CDKL3: variants seen among roughly 807,000 people sequenced by gnomAD.
CDKL3 encodes the protein cyclin-dependent kinase-like 3.
Under a neutral mutation model 69.3 loss-of-function variants are expected in CDKL3, and 65 were observed. The observed-to-expected ratio is 0.94, with a 90% CI of 0.77 to 1.15. The LOEUF (loss-of-function observed/expected upper bound fraction) is 1.15. Ranked by LOEUF, CDKL3 falls within the 50% of genes most tolerant of loss-of-function variation. The probability of loss-of-function intolerance (pLI) is 0.00; values close to 1 mark genes in which losing one functional copy is unlikely to be tolerated. For synonymous variants in CDKL3, 202 were observed against 221.6 expected, an observed-to-expected ratio of 0.91 and a Z score of 0.79; for missense variants, 652 against 689.2, an observed-to-expected ratio of 0.95 and a Z score of 0.61.
chr5:134,367,177 C>T, upstream of CDKL3: 1 of 985,634 alleles, frequency 1.0e-6, no homozygotes, highest in Non-Finnish European at 1.2e-6. Context: ...GTTCTAGACT[C>T]GTGCGCAAGA....
chr5:134,306,750 C>CTTTT (rs11414446), intron 9 of CDKL3, 48 bp from the exon 10 acceptor site: 2,649 of 226,632 alleles, frequency 0.012, 42 homozygotes, highest in South Asian at 0.02. Flanking sequence ...CCCAGAAATG[C>CTTTT]TTTTTTTTTT....
intron 2 of CDKL3, among the ~76,000 whole-genome samples, chr5:134,362,455 G>A (rs559032694): frequency 2.6e-4 from 39 of 152,268 alleles, no homozygotes; most frequent in Non-Finnish European, 4.6e-4. Flanking sequence ...GGAGGCCGAG[G>A]TTGTGGTGAG....
chr5:134,302,117 T>C (rs1469536381), intron 12 of CDKL3: 1 of 456,114 alleles, frequency 2.2e-6, no homozygotes, highest in East Asian at 6.9e-5. Flanking sequence ...GGGTAGGGAC[T>C]GGGAATATTT....
downstream of CDKL3, among the ~76,000 whole-genome samples, chr5:134,284,174 C>A (rs1195387191): frequency 6.6e-6 from 1 of 152,122 alleles, no homozygotes; most frequent in African/African-American, 2.4e-5. Flanking sequence ...GAACCAGCCC[C>A]CAATATTTCA....
chr5:134,304,010 T>A (rs1487752629), intron 11 of CDKL3, among the ~76,000 whole-genome samples: 1 of 151,924 alleles, frequency 6.6e-6, no homozygotes, highest in Non-Finnish European at 1.5e-5. Flanking sequence ...CATGGCTCAC[T>A]GCAGTCTCAA....
rs768830233 is a variant in CDKL3, at chr5:134,302,573, T to C, written c.1719+17A>G. 1.9e-5 allele frequency: 25 copies of C among 1,307,952 alleles called. No individual in the cohort carries two copies. Among genetic ancestry groups the C allele is most frequent in the Non-Finnish European group, 2.4e-5 (22 of 913,074 alleles). The allele number at this position is 1,307,952 out of a possible 1,614,324, so 81.0% of individuals were successfully genotyped here. ...AAACAACATGCCTTAGTAAAAGCTATATACAAAAAGAGTTACCTCTTGTTT... is the reference window on the plus strand; with the variant it reads ...AAACAACATGCCTTAGTAAAAGCTACATACAAAAAGAGTTACCTCTTGTTT... On this transcript the variant is annotated intron_variant, in intron 12 of 12. Transcript: ENST00000265334.
chr5:134,355,919 C>A (rs1754493200), intron 3 of CDKL3, among the ~76,000 whole-genome samples: 1 of 152,228 alleles, frequency 6.6e-6, no homozygotes, highest in African/African-American at 2.4e-5. Context: ...TTACAGCAGT[C>A]TCCAACCTTT....
At chr5:134,339,617 T>A (rs1749951439) in intron 4 of CDKL3, among the ~76,000 whole-genome samples, 1 of 152,226 alleles carries the variant, frequency 6.6e-6, no homozygotes, top group Non-Finnish European at 1.5e-5. Context: ...AATATACATT[T>A]ATATATTGTT....
At chr5:134,331,086 C>T (rs932103995) in intron 4 of CDKL3, among the ~76,000 whole-genome samples, 6 of 152,162 alleles carry the variant, frequency 3.9e-5, no homozygotes, top group African/African-American at 1.4e-4. Flanking sequence ...GGAAAGTTTG[C>T]TCAATTTTAA....
At chr5:134,362,258 T>G (rs1328764993) in intron 2 of CDKL3, among the ~76,000 whole-genome samples, 1 of 152,096 alleles carries the variant, frequency 6.6e-6, no homozygotes, top group African/African-American at 2.4e-5. Flanking sequence ...GGTGGCTCAC[T>G]TCTATAATCC....
chr5:134,371,052 C>G (rs1429237676), upstream of CDKL3: 1 of 193,566 alleles, frequency 5.2e-6, no homozygotes, highest in Non-Finnish European at 1.1e-5. Flanking sequence ...CTAAACGCGT[C>G]ATAGGGACAC....
At position 134,308,728 on chromosome 5, in the gene CDKL3, C is replaced by T; in HGVS notation, c.882-1G>A. 6.3e-7 allele frequency: 1 copy of T among 1,581,122 alleles called. No individual in the cohort carries two copies. The highest frequency in any genetic ancestry group is 8.5e-7 in the Non-Finnish European group (1 of 1,171,314). ...TTTAGCTTTCAGTTCTGGCATGAAT[C>T]TGACAAAACAAGCAATATCAACGAG... On this transcript the variant is annotated splice_acceptor_variant, in intron 7 of 12. Coordinates refer to ENST00000265334, the MANE Select transcript of CDKL3 (RefSeq NM_001113575.2). LOFTEE classifies it high-confidence loss of function.
chr5:134,299,606 G>T, intron 12 of CDKL3: 1 of 1,403,512 alleles, frequency 7.1e-7, no homozygotes, highest in Non-Finnish European at 9.4e-7. Context: ...TATCTAGTTA[G>T]CATTTTTGTG....
intron 6 of CDKL3, among the ~76,000 whole-genome samples, chr5:134,316,940 G>A (rs1771246643): frequency 6.6e-6 from 1 of 151,976 alleles, no homozygotes; most frequent in Non-Finnish European, 1.5e-5. Flanking sequence ...CATGTGAATT[G>A]GGAAAATCTG....
chr5:134,363,957 TAAAA>T (rs1206131261), intron 2 of CDKL3, among the ~76,000 whole-genome samples: 11 of 96,434 alleles, frequency 1.1e-4, no homozygotes, highest in African/African-American at 3.8e-4. Flanking sequence ...CTCCATTTCT[TAAAA>T]AAAAAAAAAA....
chr5:134,322,207 T>A (rs528109221), intron 4 of CDKL3, among the ~76,000 whole-genome samples: 1 of 152,032 alleles, frequency 6.6e-6, no homozygotes. Flanking sequence ...AGAGATGGGG[T>A]TTCACCATGT....
At chr5:134,364,235 A>G (rs547195751) in intron 2 of CDKL3, among the ~76,000 whole-genome samples, 18 of 151,920 alleles carry the variant, frequency 1.2e-4, no homozygotes, top group African/African-American at 4.1e-4. Flanking sequence ...CTTTCTCCAC[A>G]CTCCTCAGTT....
intron 2 of CDKL3, among the ~76,000 whole-genome samples, chr5:134,361,941 C>A (rs1356177232): frequency 6.6e-6 from 1 of 152,096 alleles, no homozygotes; most frequent in Non-Finnish European, 1.5e-5. Context: ...CCATATTAAT[C>A]CTCTACTTAA....
At chr5:134,332,508 A>G (rs371747977) in intron 4 of CDKL3, among the ~76,000 whole-genome samples, 6 of 152,214 alleles carry the variant, frequency 3.9e-5, no homozygotes, top group African/African-American at 1.4e-4. Context: ...AGCTTTCTAC[A>G]TGTGGCTAAC....
Sources: gnomAD v4.1 joint callset for allele counts (sites outside exome capture counted in the v4.1 genomes callset) on GRCh38, gnomAD v4.1.1 for gene constraint, MANE v1.5 for transcripts, NCBI Gene and HGNC (gene_info 2026-07-23, HGNC 2026-07-21) for gene names.